Variants in SLC9A7 observed in about 807,000 individuals in gnomAD.
SLC9A7 encodes sodium/hydrogen exchanger 7.
SLC9A7 carries 19 observed loss-of-function variants against 52.6 expected under a neutral mutation model. The observed-to-expected ratio is 0.36, with a 90% confidence interval of 0.25 to 0.53. The LOEUF (loss-of-function observed/expected upper bound fraction) is 0.53. Among genes scored for constraint, SLC9A7 ranks in the 20% least tolerant of loss-of-function variants. The probability of loss-of-function intolerance (pLI) is 0.91; values close to 1 mark genes in which losing one functional copy is unlikely to be tolerated. For synonymous variants in SLC9A7, 226 were observed against 252.1 expected (o/e 0.90, Z 0.98); for missense variants, 455 against 597.9 (o/e 0.76, Z 2.49).
chrX:46,656,124 C>A (rs1463402771), intron 7 of SLC9A7, among the ~76,000 whole-genome samples: 1 of 111,810 alleles, frequency 8.9e-6, no homozygotes, highest in East Asian at 2.8e-4. Context: ...TGACACCTCA[C>A]ACGGCCGGTT....
At chrX:46,615,709 T>C (rs1306113269) in intron 15 of SLC9A7, among the ~76,000 whole-genome samples, 1 of 109,661 alleles carries the variant, frequency 9.1e-6, no homozygotes, top group Non-Finnish European at 1.9e-5. Context: ...TTTTTAAATA[T>C]TCAAATTGTT....
At chrX:46,646,549 G>A (rs915117529) in intron 11 of SLC9A7, 18 of 194,356 alleles carry the variant, frequency 9.3e-5, no homozygotes, top group Admixed American at 7.8e-4. Flanking sequence ...AGGAAGGGAC[G>A]GGCAGGGAAG....
intron 1 of SLC9A7, among the ~76,000 whole-genome samples, chrX:46,701,203 G>C (rs1569520526): frequency 9.0e-6 from 1 of 111,624 alleles, no homozygotes; most frequent in Non-Finnish European, 1.9e-5. Flanking sequence ...TTACTTAGAT[G>C]ACCAACACAA....
chrX:46,643,026 T>C (rs1170688937), intron 12 of SLC9A7, among the ~76,000 whole-genome samples: 2 of 112,136 alleles, frequency 1.8e-5, no homozygotes, highest in Non-Finnish European at 3.8e-5. Flanking sequence ...GACAAAAATT[T>C]TTAATGACTA....
chrX:46,746,160 C>T (rs991989139), intron 1 of SLC9A7, among the ~76,000 whole-genome samples: 4 of 109,662 alleles, frequency 3.6e-5, no homozygotes, highest in Non-Finnish European at 5.7e-5. Flanking sequence ...CCTATTTCTA[C>T]TGAAAATACA....
chrX:46,755,771 G>A (rs952064846), intron 1 of SLC9A7, among the ~76,000 whole-genome samples: 2 of 105,570 alleles, frequency 1.9e-5, no homozygotes, highest in African/African-American at 3.5e-5. Flanking sequence ...GCAGTGAGCC[G>A]AGATTGCGCT....
chrX:46,651,546 GGTCGGGCGCA>G (rs1427242049), intron 8 of SLC9A7, 142 bp from the exon 9 acceptor site: 6 of 448,531 alleles, frequency 1.3e-5, no homozygotes, highest in Non-Finnish European at 2.3e-5. Context: ...CCTATTGCTG[GGTCGGGCGCA>G]GTGGCTCACA....
intron 1 of SLC9A7, among the ~76,000 whole-genome samples, chrX:46,688,168 T>C (rs1374944338): frequency 8.9e-6 from 1 of 112,483 alleles, no homozygotes; most frequent in Non-Finnish European, 1.9e-5. Flanking sequence ...TGGACATGTT[T>C]TCATTTCCCT....
At chrX:46,715,961 A>C (rs1189856341) in intron 1 of SLC9A7, among the ~76,000 whole-genome samples, 3 of 112,269 alleles carry the variant, frequency 2.7e-5, no homozygotes, top group East Asian at 2.8e-4. Context: ...ATCAGGACAT[A>C]ACTCCATCAT....
intron 16 of SLC9A7, among the ~76,000 whole-genome samples, chrX:46,609,826 G>A (rs764155640): frequency 6.3e-5 from 7 of 111,185 alleles, no homozygotes; most frequent in Non-Finnish European, 9.4e-5. Context: ...TCAGGAATTC[G>A]AGACCAGCCT....
chrX:46,688,401 C>G (rs1420812211), intron 1 of SLC9A7, among the ~76,000 whole-genome samples: 1 of 110,709 alleles, frequency 9.0e-6, no homozygotes, highest in Non-Finnish European at 1.9e-5. Context: ...AGCTCGAGAC[C>G]AGCCTGACCA....
chrX:46,722,407 G>C (rs1387229086), intron 1 of SLC9A7, among the ~76,000 whole-genome samples: 2 of 111,543 alleles, frequency 1.8e-5, no homozygotes, highest in African/African-American at 6.5e-5. Flanking sequence ...CTAGCTAATT[G>C]AGTTACTTGC....
intron 1 of SLC9A7, 132 bp from the exon 2 acceptor site, chrX:46,682,667 T>C: frequency 1.8e-6 from 1 of 554,910 alleles, no homozygotes; most frequent in Non-Finnish European, 2.9e-6. Context: ...GTATGTATTT[T>C]AGGAGAAACT....
intron 7 of SLC9A7, among the ~76,000 whole-genome samples, chrX:46,654,824 G>A (rs1602182789): frequency 9.0e-6 from 1 of 110,841 alleles, no homozygotes; most frequent in East Asian, 2.8e-4. Context: ...AGCAATATAC[G>A]TCTCCAAGGC....
At chrX:46,684,286 C>T (rs1229009265) in intron 1 of SLC9A7, among the ~76,000 whole-genome samples, 1 of 111,678 alleles carries the variant, frequency 9.0e-6, no homozygotes, top group South Asian at 3.7e-4. Context: ...CTTGCTGCAA[C>T]CTCCGCCTCC....
chrX:46,643,212 A>T lies in SLC9A7; in HGVS notation c.1616+24T>A, dbSNP rs766330370. On this transcript the variant is annotated intron_variant, in intron 12 of 16. Transcript: ENST00000616978. Reference sequence around the variant, plus strand: ...AGGAACGGTGACAACTGACATACTCAATTAGCCTTGGTTCCAAACCAACCT... The same window carrying T: ...AGGAACGGTGACAACTGACATACTCTATTAGCCTTGGTTCCAAACCAACCT... The T allele has an allele frequency of 3.4e-6, 4 of 1,189,183 alleles. No homozygotes were observed. The Admixed American group carries it at 8.8e-5, about 26-fold the overall frequency.
intron 1 of SLC9A7, among the ~76,000 whole-genome samples, chrX:46,757,390 T>C (rs1213156280): frequency 8.9e-6 from 1 of 112,157 alleles, no homozygotes; most frequent in African/African-American, 3.2e-5. Context: ...TCATCAAAAC[T>C]GGAGGGCTCT....
chrX:46,609,345 C>G (rs5906247), intron 16 of SLC9A7, among the ~76,000 whole-genome samples: 30,036 of 110,981 alleles, frequency 0.27, 3,085 homozygotes, highest in Middle Eastern at 0.37. Context: ...CATTGCATTT[C>G]TGAAACTCCC....
chrX:46,711,256 GCCACTATTTTCT>G (rs1944682098), intron 1 of SLC9A7, among the ~76,000 whole-genome samples: 1 of 112,889 alleles, frequency 8.9e-6, no homozygotes, highest in Non-Finnish European at 1.9e-5. Flanking sequence ...TTAAGGGTGA[GCCACTATTTTCT>G]CTTAATCCAA....
Sources: allele counts gnomAD v4.1 joint callset (sites outside exome capture counted in the v4.1 genomes callset), GRCh38; gene constraint gnomAD v4.1.1; transcripts MANE v1.5; gene names NCBI Gene and HGNC (gene_info 2026-07-23, HGNC 2026-07-21).